The following GTPBP1 variants were observed in gnomAD, a reference collection of about 807,000 sequenced individuals.
GTPBP1 encodes GTP binding protein 1.
In GTPBP1, 23 loss-of-function variants were observed where a neutral mutation model predicts 62.0. That is an observed-to-expected ratio of 0.37 (90% confidence interval 0.27 to 0.53). GTPBP1 has a LOEUF of 0.53. GTPBP1 is among the 20% of genes least tolerant of loss of function. The pLI is 0.89. For synonymous variants in GTPBP1, 344 were observed against 364.4 expected (o/e 0.94, Z 0.64); for missense variants, 640 against 917.3 (o/e 0.70, Z 3.90).
chr22:38,738,918 G>A (rs537241816), downstream of GTPBP1: 584 of 1,612,458 alleles, frequency 3.6e-4, 11 homozygotes, highest in South Asian at 6.0e-3. This position sits in a 1 kb window ranked among gnomAD's most constrained non-coding sequence, Gnocchi z 6.6. Context: ...ACAGGGGGAT[G>A]CCGAAGAGGC....
At chr22:38,742,804 C>T, downstream of GTPBP1, 2 of 489,368 alleles carry the variant, frequency 4.1e-6, no homozygotes, top group East Asian at 3.6e-5. Context: ...GTACCGAAGT[C>T]TGATCCCAGA....
intron 2 of GTPBP1, among the ~76,000 whole-genome samples, chr22:38,713,049 G>A (rs756273941): frequency 6.6e-6 from 1 of 152,190 alleles, no homozygotes; most frequent in Non-Finnish European, 1.5e-5. Flanking sequence ...GTTGCACAAG[G>A]CAGTACATTG....
chr22:38,740,856 G>T, downstream of GTPBP1: 2 of 819,408 alleles, frequency 2.4e-6, no homozygotes, highest in Non-Finnish European at 3.9e-6. The surrounding 1 kb of genome is among the most constrained non-coding windows in gnomAD (Gnocchi z 4.8). Context: ...CCTGGGCAGG[G>T]GTCCTGAGCT....
chr22:38,718,280 T>C (rs1418512433), intron 4 of GTPBP1, among the ~76,000 whole-genome samples: 3 of 152,096 alleles, frequency 2.0e-5, no homozygotes, highest in Non-Finnish European at 4.4e-5. Flanking sequence ...TAGAAACTGG[T>C]TGAGAATAAG....
chr22:38,708,628 G>T (rs1183800054), intron 1 of GTPBP1, among the ~76,000 whole-genome samples: 1 of 152,200 alleles, frequency 6.6e-6, no homozygotes, highest in African/African-American at 2.4e-5. Context: ...TTATGGCTCA[G>T]ACATACACAT....
rs538820544 is a variant in GTPBP1, at chr22:38,715,910, G to T, written c.308G>T (p.Gly103Val). Residue 103 changes from glycine (G) to valine (V), a missense_variant, in exon 3 of 12, where the codon GGG (glycine) becomes GTG (valine). Physicochemically the swap from Gly to Val is moderately radical, Grantham distance 109. This residue lies in a region of GTPBP1 where 215 missense variants were observed against 235.1 expected (regional missense o/e 0.91). Coordinates refer to ENST00000216044, the MANE Select transcript of GTPBP1 (RefSeq NM_004286.5). Reference protein sequence around the residue: ...TIYVIGQGSDGTEYGLSEADM... With the variant: ...TIYVIGQGSDVTEYGLSEADM... ...ATGTCTGGGCTCTTGTCACCAGATG[G>T]GACTGAGTATGGGCTGAGTGAAGCT... The T allele has an allele frequency of 1.2e-6, 2 of 1,608,642 alleles. No homozygotes were observed. The highest frequency in any genetic ancestry group is 1.7e-6 in the Non-Finnish European group (2 of 1,177,374).
At chr22:38,736,471 G>A (rs979622195), downstream of GTPBP1, 14 of 1,026,418 alleles carry the variant, frequency 1.4e-5, no homozygotes, top group African/African-American at 2.1e-4. Context: ...CTCGCCTAGG[G>A]CCAGATGGCT....
At position 38,726,338 on chromosome 22, in the gene GTPBP1, C is replaced by G. The variant is rs2092726686; in HGVS notation, c.1299C>G (p.Pro433=). ...ACACGCTGCTGCTGGGCCCAGACCC[C>G]TTGGGTAACTTCCTGTCCATTGCTG... ...LNDTLLLGPD[P]LGNFLSIAVK... is the part of the protein sequence containing the mutation. Residue 433 remains proline, a synonymous_variant, in exon 8 of 12, where the codon CCC becomes CCG. Coordinates refer to ENST00000216044, the MANE Select transcript of GTPBP1 (RefSeq NM_004286.5). This position sits in a 1 kb window ranked among gnomAD's most constrained non-coding sequence, Gnocchi z 4.1. 2 of 1,614,076 alleles carry G rather than the reference C, an allele frequency of 1.2e-6. No homozygotes were observed. The highest frequency in any genetic ancestry group is 3.3e-5 in the Admixed American group (2 of 60,008).
rs200958786 is a variant in GTPBP1 at position 38,726,464 on chromosome 22, C to G, written c.1401+24C>G. The G allele has an allele frequency of 6.3e-7, 1 of 1,598,518 alleles. No individual in the cohort carries two copies. The highest frequency in any genetic ancestry group is 8.6e-7 in the Non-Finnish European group (1 of 1,168,384). ...AGGTGAGTAGCGATGATACTGAACG[C>G]TCCCCTCAGACTCCATCATGCTAGG... On this transcript the variant is annotated intron_variant, in intron 8 of 11. Coordinates refer to ENST00000216044, the MANE Select transcript of GTPBP1 (RefSeq NM_004286.5). The surrounding 1 kb of genome is among the most constrained non-coding windows in gnomAD (Gnocchi z 4.1).
chr22:38,738,749 A>T (rs770892695), downstream of GTPBP1: 16 of 1,613,156 alleles, frequency 9.9e-6, no homozygotes, highest in Admixed American at 2.5e-4. The surrounding 1 kb of genome is among the most constrained non-coding windows in gnomAD (Gnocchi z 6.6). Flanking sequence ...CTGGGTGCAC[A>T]TCTGGCTGGA....
chr22:38,734,426 A>C (rs767583088), downstream of GTPBP1: 17 of 373,102 alleles, frequency 4.6e-5, 1 homozygote, highest in South Asian at 3.4e-4. Context: ...GCTGCTGTTC[A>C]GTGGTACTGA....
Position 38,716,624 on chromosome 22 carries a change from A to G in GTPBP1, c.486-28A>G. 14 of 1,506,682 alleles carry G rather than the reference A, an allele frequency of 9.3e-6. No homozygotes were observed. Among genetic ancestry groups the G allele is most frequent in the African/African-American group, 1.4e-5 (1 of 72,784 alleles). 93.3% of individuals were successfully genotyped at this position (1,506,682 alleles called of 1,614,324 possible). ...ACCTCACTCATTCACTAACTCTCAC[A>G]TAGATGTATGGGTTCATCTACACGC... On this transcript the variant is annotated intron_variant, in intron 3 of 11. Coordinates refer to ENST00000216044, the MANE Select transcript of GTPBP1 (RefSeq NM_004286.5). The surrounding 1 kb of genome is among the most constrained non-coding windows in gnomAD (Gnocchi z 5.2).
At position 38,723,211 on chromosome 22, in the gene GTPBP1, A is replaced by G. The variant is rs2092710218; in HGVS notation, c.959-1086A>G. On this transcript the variant is annotated intron_variant, in intron 5 of 11. Coordinates refer to ENST00000216044, the MANE Select transcript of GTPBP1 (RefSeq NM_004286.5). ...GAAGGTGAAATCCAAAGGATAGAAG[A>G]AAAGCACCAAATTATTTCCCCTTAA... 4.9e-6 allele frequency: 5 copies of G among 1,027,426 alleles called. No homozygotes were observed. The Admixed American group carries it at 8.5e-5, about 18-fold the overall frequency. 63.6% of individuals were successfully genotyped at this position (1,027,426 alleles called of 1,614,324 possible).
In GTPBP1 at chr22:38,705,967, G is replaced by A. The variant is rs1318484715; in HGVS notation, c.12G>A (p.Glu4=). The A allele has an allele frequency of 6.9e-7, 1 of 1,445,358 alleles. No individual in the cohort carries two copies. The highest frequency in any genetic ancestry group is 9.1e-7 in the Non-Finnish European group (1 of 1,096,320). The allele number at this position is 1,445,358 out of a possible 1,614,324, so 89.5% of individuals were successfully genotyped here. A position where few individuals can be genotyped will look rare whatever the true frequency, so the allele number is the denominator to read the frequency against. The change falls in exon 1 of 12, where the codon GAG becomes GAA. Residue 4 remains glutamate, a synonymous_variant. Coordinates refer to ENST00000216044, the MANE Select transcript of GTPBP1 (RefSeq NM_004286.5). MAT[E]RSRSAMDSPV... is the part of the protein sequence containing the mutation. ...CTAAGTTATTAAAGATGGCGACGGA[G>A]CGCAGTCGCTCCGCGATGGACTCGC...
chr22:38,742,771 A>G, downstream of GTPBP1: 1 of 589,526 alleles, frequency 1.7e-6, no homozygotes, highest in Non-Finnish European at 2.9e-6. Context: ...TGCCGGCCAC[A>G]GAGGAAGGTC....
chr22:38,722,859 G>A (rs1258385563), intron 5 of GTPBP1: 12 of 1,486,588 alleles, frequency 8.1e-6, no homozygotes, highest in Middle Eastern at 2.0e-4. Flanking sequence ...ATACTGGAAC[G>A]CCTTCACCAA....
downstream of GTPBP1, chr22:38,741,493 C>A (rs769989416): frequency 6.2e-7 from 1 of 1,613,894 alleles, no homozygotes; most frequent in Non-Finnish European, 8.5e-7. Context: ...AGCCCGCTGA[C>A]CTGGGAGGCC....
chr22:38,738,629 G>A, downstream of GTPBP1: 1 of 1,613,998 alleles, frequency 6.2e-7, no homozygotes, highest in Non-Finnish European at 8.5e-7. The surrounding 1 kb of genome is among the most constrained non-coding windows in gnomAD (Gnocchi z 6.6). Flanking sequence ...TAGTGCTGTT[G>A]GGTGACAAGG....
rs925991782 is a variant in GTPBP1, at chr22:38,727,160, G to A, written c.1402-53G>A. The A allele has an allele frequency of 2.7e-6, 4 of 1,487,948 alleles. No homozygotes were observed. In the Admixed American group the frequency reaches 6.9e-5, roughly 26 times the overall value. 92.2% of individuals were successfully genotyped at this position (1,487,948 alleles called of 1,614,324 possible). A position where few individuals can be genotyped will look rare whatever the true frequency, so the allele number is the denominator to read the frequency against. On this transcript the variant is annotated intron_variant, in intron 8 of 11. Coordinates refer to ENST00000216044, the MANE Select transcript of GTPBP1 (RefSeq NM_004286.5). This position sits in a 1 kb window ranked among gnomAD's most constrained non-coding sequence, Gnocchi z 6.5. Reference sequence around the variant, plus strand: ...ACTCTTGGTCCCTGGGACCAGGGGTGAAACCAGAAGGCATAATTGTCCCTG... The same window carrying A: ...ACTCTTGGTCCCTGGGACCAGGGGTAAAACCAGAAGGCATAATTGTCCCTG...
Sources: gnomAD v4.1 joint callset for allele counts (sites outside exome capture counted in the v4.1 genomes callset) on GRCh38, gnomAD v4.1.1 for gene constraint, gnomAD v4.1.1 regional missense constraint, Gnocchi (gnomAD v3.1) non-coding constraint, MANE v1.5 for transcripts, NCBI Gene and HGNC (gene_info 2026-07-23, HGNC 2026-07-21) for gene names.